KCNT2: variants seen among roughly 807,000 people sequenced by gnomAD.
The protein encoded by KCNT2 is potassium sodium-activated channel subfamily T member 2.
Under a neutral mutation model 153.8 loss-of-function variants are expected in KCNT2, and 67 were observed. That is an observed-to-expected ratio of 0.44 (90% CI 0.36 to 0.53). KCNT2 has a LOEUF of 0.53. KCNT2 is among the 20% of genes least tolerant of loss of function. The pLI, the probability that KCNT2 is intolerant of heterozygous loss-of-function variation, is 0.00. For synonymous variants in KCNT2, 500 were observed against 458.8 expected (o/e 1.09, Z -1.15); for missense variants, 975 against 1,354.8 (o/e 0.72, Z 4.40).
chr1:196,533,729 A>G (rs1655220927), intron 1 of KCNT2, among the ~76,000 whole-genome samples: 1 of 152,168 alleles, frequency 6.6e-6, no homozygotes, highest in Non-Finnish European at 1.5e-5. Context: ...GGTTGGCATC[A>G]TATATAAAGC....
intron 22 of KCNT2, among the ~76,000 whole-genome samples, chr1:196,295,070 T>C (rs1045461054): frequency 5.3e-5 from 8 of 151,604 alleles, no homozygotes; most frequent in African/African-American, 1.9e-4. Flanking sequence ...ACAAAAGTAA[T>C]AAGTATGTGA....
chr1:196,330,045 A>AAT (rs1402390469), intron 18 of KCNT2, among the ~76,000 whole-genome samples: 3 of 143,928 alleles, frequency 2.1e-5, no homozygotes, highest in African/African-American at 7.7e-5. Flanking sequence ...GAATGAAAGC[A>AAT]ATATATATAT....
chr1:196,426,837 C>A (rs1673694857), intron 10 of KCNT2, among the ~76,000 whole-genome samples: 1 of 151,860 alleles, frequency 6.6e-6, no homozygotes, highest in African/African-American at 2.4e-5. Context: ...TTCCCCCTTG[C>A]TGTTCTCCTG....
intron 14 of KCNT2, among the ~76,000 whole-genome samples, chr1:196,363,335 C>T (rs572644737): frequency 9.2e-5 from 14 of 152,166 alleles, no homozygotes; most frequent in Admixed American, 3.3e-4. Context: ...TCTGCCACCA[C>T]AACATTTTTC....
Position 196,430,316 on chromosome 1 carries a change from G to T in KCNT2, c.639-559C>A, listed in dbSNP as rs117723963. 6.9e-4 allele frequency among the ~76,000 whole-genome samples: 104 copies of T among 151,678 alleles called. 2 individuals carry two copies. In the East Asian group the frequency reaches 0.019, roughly 27 times the overall value. On this transcript the variant is annotated intron_variant, in intron 8 of 27. Coordinates refer to ENST00000294725, the MANE Select transcript of KCNT2 (RefSeq NM_198503.5). ...CATTAAGAGGTGTTTAGGTCATAAG[G>T]GCTCCACCAACATGAATGAACTAAT...
intron 21 of KCNT2, among the ~76,000 whole-genome samples, chr1:196,311,925 A>G (rs141398330): frequency 6.6e-6 from 1 of 151,954 alleles, no homozygotes. Flanking sequence ...TCCAAAGCAC[A>G]TTTTGTTTTG....
intron 5 of KCNT2, among the ~76,000 whole-genome samples, chr1:196,476,682 A>C (rs1678560823): frequency 6.6e-6 from 1 of 152,008 alleles, no homozygotes; most frequent in South Asian, 2.1e-4. Context: ...TAATCATTAA[A>C]CCTCAGGTTT....
At chr1:196,262,215 A>G (rs1193858298) in intron 25 of KCNT2, among the ~76,000 whole-genome samples, 1 of 151,940 alleles carries the variant, frequency 6.6e-6, no homozygotes, top group East Asian at 1.9e-4. Flanking sequence ...CATCAAAGTG[A>G]CTCAATTCAA....
chr1:196,232,782 T>G (rs1006712164), intron 27 of KCNT2, among the ~76,000 whole-genome samples: 2 of 151,480 alleles, frequency 1.3e-5, no homozygotes, highest in Non-Finnish European at 3.0e-5. Flanking sequence ...TTTGACAAAA[T>G]GACATGTTCT....
At chr1:196,517,240 A>G (rs1057107614) in intron 1 of KCNT2, among the ~76,000 whole-genome samples, 2 of 152,208 alleles carry the variant, frequency 1.3e-5, no homozygotes, top group African/African-American at 2.4e-5. Context: ...ATATGACTCC[A>G]GTAATACCAT....
intron 1 of KCNT2, among the ~76,000 whole-genome samples, chr1:196,553,697 T>G (rs1658254427): frequency 6.6e-6 from 1 of 151,216 alleles, no homozygotes; most frequent in Non-Finnish European, 1.5e-5. Context: ...ATTCTTTTCC[T>G]CAGCACATCG....
chr1:196,475,008 G>C (rs1467321841), intron 5 of KCNT2, among the ~76,000 whole-genome samples: 1 of 152,114 alleles, frequency 6.6e-6, no homozygotes, highest in Non-Finnish European at 1.5e-5. Flanking sequence ...CAGTCTCAAT[G>C]AAAGTTTAAA....
intron 1 of KCNT2, among the ~76,000 whole-genome samples, chr1:196,592,205 A>G (rs1437976253): frequency 1.3e-5 from 2 of 152,064 alleles, no homozygotes; most frequent in Admixed American, 1.3e-4. Context: ...AGATTCTGTC[A>G]TTTGCAATAA....
chr1:196,509,094 C>T (rs1681387677), intron 1 of KCNT2, among the ~76,000 whole-genome samples: 1 of 151,954 alleles, frequency 6.6e-6, no homozygotes, highest in Non-Finnish European at 1.5e-5. Context: ...TATGGTGAAA[C>T]CCCGTCTCTA....
intron 14 of KCNT2, among the ~76,000 whole-genome samples, chr1:196,349,668 C>A (rs890326113): frequency 9.9e-5 from 15 of 151,556 alleles, no homozygotes; most frequent in Non-Finnish European, 2.2e-4. Flanking sequence ...ATAGGTCAAA[C>A]CTTTTTATTT....
intron 1 of KCNT2, among the ~76,000 whole-genome samples, chr1:196,496,747 C>T (rs1680289760): frequency 6.6e-6 from 1 of 152,140 alleles, no homozygotes; most frequent in South Asian, 2.1e-4. Flanking sequence ...GGCAGGATCC[C>T]ACCTGGACGG....
chr1:196,571,366 G>A (rs1660757587), intron 1 of KCNT2, among the ~76,000 whole-genome samples: 1 of 152,058 alleles, frequency 6.6e-6, no homozygotes, highest in Non-Finnish European at 1.5e-5. Flanking sequence ...AAGAATGAGA[G>A]AGGTAAGGCT....
At chr1:196,520,433 A>G (rs1249312082) in intron 1 of KCNT2, among the ~76,000 whole-genome samples, 2 of 151,822 alleles carry the variant, frequency 1.3e-5, no homozygotes, top group African/African-American at 2.4e-5. Context: ...CCTATTTAAC[A>G]TAATATTGAA....
At chr1:196,430,962 G>A (rs1356006320) in intron 8 of KCNT2, among the ~76,000 whole-genome samples, 1 of 152,128 alleles carries the variant, frequency 6.6e-6, no homozygotes, top group Non-Finnish European at 1.5e-5. Context: ...TTATTCAGAG[G>A]TGGGCTTTAG....
Sources: allele counts gnomAD v4.1 joint callset (sites outside exome capture counted in the v4.1 genomes callset), GRCh38; gene constraint gnomAD v4.1.1; transcripts MANE v1.5; gene names NCBI Gene and HGNC (gene_info 2026-07-23, HGNC 2026-07-21).